PREX1: variants seen among roughly 807,000 people sequenced by gnomAD.
The protein encoded by PREX1 is phosphatidylinositol-3,4,5-trisphosphate dependent Rac exchange factor 1, also known as phosphatidylinositol 3,4,5-trisphosphate-dependent Rac exchanger 1 protein.
PREX1 carries 41 observed loss-of-function variants against 198.3 expected under a neutral mutation model. The ratio of observed to expected loss-of-function variants is 0.21; its 90% confidence interval spans 0.16 to 0.27. The LOEUF is 0.27. Among genes scored for constraint, PREX1 ranks in the 10% least tolerant of loss-of-function variants. The pLI is 1.00. For missense variants in PREX1, 1,620 were observed against 2,200.7 expected, an observed-to-expected ratio of 0.74 and a Z score of 5.28; for synonymous variants, 843 against 887.2, an observed-to-expected ratio of 0.95 and a Z score of 0.89.
chr20:48,846,180 T>C, the PREX1 span, among the ~76,000 whole-genome samples: 1 of 152,074 alleles, frequency 6.6e-6, no homozygotes, highest in Non-Finnish European at 1.5e-5. Flanking sequence ...AGCCAATAAA[T>C]CAAAGCCTGG....
chr20:48,790,560 C>T (rs1033836019), intron 1 of PREX1, among the ~76,000 whole-genome samples: 1 of 152,136 alleles, frequency 6.6e-6, no homozygotes, highest in African/African-American at 2.4e-5. Context: ...CAGCTAAATT[C>T]TGTTGTGCTC....
the PREX1 span, among the ~76,000 whole-genome samples, chr20:48,847,506 G>A: frequency 1.3e-5 from 2 of 152,098 alleles, no homozygotes; most frequent in African/African-American, 4.8e-5. Context: ...GAATGTGTGT[G>A]CATCACGGAA....
At chr20:48,829,226 G>A (rs1600541120), upstream of PREX1, among the ~76,000 whole-genome samples, 1 of 152,154 alleles carries the variant, frequency 6.6e-6, no homozygotes, top group South Asian at 2.1e-4. Context: ...GGCCCTCTAA[G>A]CCTGGCCCCA....
the PREX1 span, among the ~76,000 whole-genome samples, chr20:48,853,491 C>T: frequency 3.9e-5 from 6 of 152,190 alleles, no homozygotes; most frequent in South Asian, 1.0e-3. Flanking sequence ...CTCATTATCA[C>T]GAGATAGCAT....
At chr20:48,714,358 A>G (rs1332067291) in intron 5 of PREX1, among the ~76,000 whole-genome samples, 6 of 152,236 alleles carry the variant, frequency 3.9e-5, no homozygotes. Context: ...AATAGTATCA[A>G]TTACACATCT....
chr20:48,796,739 T>C (rs1282607441), intron 1 of PREX1, among the ~76,000 whole-genome samples: 1 of 150,364 alleles, frequency 6.7e-6, no homozygotes, highest in Non-Finnish European at 1.5e-5. Flanking sequence ...GTTTTATATA[T>C]GTATATGCGT....
chr20:48,688,148 C>T (rs1490109585), intron 10 of PREX1, among the ~76,000 whole-genome samples: 1 of 152,094 alleles, frequency 6.6e-6, no homozygotes, highest in African/African-American at 2.4e-5. Context: ...CCTTAAAACA[C>T]CTTTGTAATC....
At chr20:48,681,441 G>A in intron 10 of PREX1, 106 bp from the exon 11 acceptor site, 1 of 1,091,116 alleles carries the variant, frequency 9.2e-7, no homozygotes, top group South Asian at 1.2e-5. Context: ...ATGACAGCTA[G>A]AACTTCCCAC....
At chr20:48,846,043 C>T in the PREX1 span, among the ~76,000 whole-genome samples, 1 of 152,208 alleles carries the variant, frequency 6.6e-6, no homozygotes, top group South Asian at 2.1e-4. Context: ...GTTCTAAGCA[C>T]ATTCCGTATA....
At chr20:48,665,132 G>A (rs2089628530) in intron 15 of PREX1, among the ~76,000 whole-genome samples, 1 of 147,244 alleles carries the variant, frequency 6.8e-6, no homozygotes, top group African/African-American at 2.5e-5. Flanking sequence ...CACCCCAGAC[G>A]GCCTGAATTC....
chr20:48,637,675 G>C, intron 31 of PREX1, 36 bp downstream of exon 31: 1 of 1,578,206 alleles, frequency 6.3e-7, no homozygotes, highest in Non-Finnish European at 8.6e-7. Flanking sequence ...GGAAGAGGCC[G>C]GGTATGTGCC....
intron 1 of PREX1, among the ~76,000 whole-genome samples, chr20:48,825,806 T>C (rs1600538627): frequency 6.6e-6 from 1 of 151,834 alleles, no homozygotes; most frequent in African/African-American, 2.4e-5. Context: ...ACCAGGGTTG[T>C]CTACATGTTT....
At chr20:48,815,919 A>G (rs996377942) in intron 1 of PREX1, among the ~76,000 whole-genome samples, 3 of 151,816 alleles carry the variant, frequency 2.0e-5, no homozygotes, top group Admixed American at 2.0e-4. Flanking sequence ...CTGAGGCAGG[A>G]GAATCGCTCG....
chr20:48,794,071 C>A (rs141938617), intron 1 of PREX1, among the ~76,000 whole-genome samples: 1 of 152,306 alleles, frequency 6.6e-6, no homozygotes, highest in Non-Finnish European at 1.5e-5. Context: ...AAGAGGACCC[C>A]TACCCCACAG....
At chr20:48,781,347 G>C (rs1295112024) in intron 1 of PREX1, among the ~76,000 whole-genome samples, 1 of 152,158 alleles carries the variant, frequency 6.6e-6, no homozygotes, top group African/African-American at 2.4e-5. Flanking sequence ...GGATGTACAA[G>C]AACTCTGTAC....
chr20:48,693,206 C>T (rs2089828637), intron 7 of PREX1, among the ~76,000 whole-genome samples: 1 of 152,042 alleles, frequency 6.6e-6, no homozygotes, highest in Non-Finnish European at 1.5e-5. Flanking sequence ...ATCCATCCAT[C>T]CATCCATCCA....
the PREX1 span, among the ~76,000 whole-genome samples, chr20:48,861,490 C>T: frequency 1.3e-5 from 2 of 152,210 alleles, no homozygotes; most frequent in Admixed American, 6.5e-5. Flanking sequence ...AGGGTTCCCC[C>T]TTGGATGGGG....
chr20:48,730,698 A>T (rs958668763), intron 4 of PREX1, among the ~76,000 whole-genome samples: 1 of 152,058 alleles, frequency 6.6e-6, no homozygotes, highest in Non-Finnish European at 1.5e-5. Flanking sequence ...AAGCTTTTTT[A>T]AAATCTCATA....
rs1257998127 is a variant in PREX1, at chr20:48,814,675, C to T, written c.219+12967G>A. Reference sequence around the variant, plus strand: ...TAAGCCATCATAAGGAGCTGGGATTCGATTAACCTCCATGTTCCACCTCCA... The same window carrying T: ...TAAGCCATCATAAGGAGCTGGGATTTGATTAACCTCCATGTTCCACCTCCA... On this transcript the variant is annotated intron_variant, in intron 1 of 39. Transcript: ENST00000371941. Among the ~76,000 whole-genome samples the T allele has an allele frequency of 3.3e-5, 5 of 152,092 alleles. No individual in the cohort carries two copies. The East Asian group carries it at 7.7e-4, about 23-fold the overall frequency.
Sources: allele counts gnomAD v4.1 joint callset (sites outside exome capture counted in the v4.1 genomes callset), GRCh38; gene constraint gnomAD v4.1.1; transcripts MANE v1.5; gene names NCBI Gene and HGNC (gene_info 2026-07-23, HGNC 2026-07-21).